ZBTB20: variants seen among roughly 807,000 people sequenced by gnomAD.
ZBTB20 encodes the protein zinc finger and BTB domain-containing protein 20.
ZBTB20 carries 9 observed loss-of-function variants against 56.9 expected under a neutral mutation model. The ratio of observed to expected loss-of-function variants is 0.16; its 90% CI spans 0.10 to 0.28. The LOEUF (loss-of-function observed/expected upper bound fraction) is 0.28, where lower values mean the gene tolerates loss of function less well. ZBTB20 is among the 10% of genes least tolerant of loss of function. The pLI is 1.00. For missense variants in ZBTB20, 655 were observed against 1,003.0 expected, an observed-to-expected ratio of 0.65 and a Z score of 4.69; for synonymous variants, 417 against 420.7, an observed-to-expected ratio of 0.99 and a Z score of 0.11.
At chr3:114,476,303 T>C (rs1030610728) in intron 7 of ZBTB20, among the ~76,000 whole-genome samples, 3 of 152,202 alleles carry the variant, frequency 2.0e-5, no homozygotes, top group Admixed American at 6.5e-5. Context: ...CTGACAACTG[T>C]TGAAGCAGAG....
intron 3 of ZBTB20, among the ~76,000 whole-genome samples, chr3:114,909,245 T>C (rs1295319942): frequency 6.6e-6 from 1 of 151,972 alleles, no homozygotes; most frequent in Non-Finnish European, 1.5e-5. Context: ...TGTGCATTTT[T>C]GTTAGTTTTT....
chr3:114,959,941 A>AT (rs1481265424), intron 3 of ZBTB20, among the ~76,000 whole-genome samples: 1 of 152,176 alleles, frequency 6.6e-6, no homozygotes, highest in East Asian at 1.9e-4. Flanking sequence ...TAAAATGGCC[A>AT]TTTTCACAAA....
In ZBTB20 at chr3:114,359,374, C is replaced by T. The variant is rs575707168; in HGVS notation, c.200-7496G>A. 5.3e-5 allele frequency: 8 copies of T among 152,238 alleles called. No individual in the cohort carries two copies. The South Asian group carries it at 1.5e-3, about 28-fold the overall frequency. 9.4% of individuals were successfully genotyped at this position (152,238 alleles called of 1,614,324 possible). On this transcript the variant is annotated intron_variant, in intron 10 of 11. Coordinates refer to ENST00000675478, the MANE Select transcript of ZBTB20 (RefSeq NM_001348800.3). ...TACAGTTTGTGAAAATTAAGTTTTA[C>T]TCTGTGAATAAAGAATTGGATAGAT...
intron 5 of ZBTB20, among the ~76,000 whole-genome samples, chr3:114,697,944 C>T (rs537098239): frequency 5.3e-5 from 8 of 152,202 alleles, no homozygotes; most frequent in African/African-American, 1.4e-4. Flanking sequence ...TATTCCAATC[C>T]TATTTCTAAT....
intron 6 of ZBTB20, among the ~76,000 whole-genome samples, chr3:114,517,054 T>C (rs1490114667): frequency 1.3e-5 from 2 of 152,222 alleles, no homozygotes; most frequent in Admixed American, 6.5e-5. Flanking sequence ...GTGCCTACTA[T>C]GTGCTAGGAA....
At chr3:114,624,500 G>T (rs888822496) in intron 6 of ZBTB20, among the ~76,000 whole-genome samples, 8 of 152,100 alleles carry the variant, frequency 5.3e-5, no homozygotes, top group African/African-American at 1.9e-4. Flanking sequence ...GAATCAAAAA[G>T]GAAAGGAGAA....
chr3:114,463,237 G>A (rs1446713568), intron 7 of ZBTB20, among the ~76,000 whole-genome samples: 1 of 152,208 alleles, frequency 6.6e-6, no homozygotes, highest in Non-Finnish European at 1.5e-5. Flanking sequence ...TTCGGTTGGT[G>A]TTACTGATGT....
chr3:114,673,985 A>C (rs2061497768), intron 6 of ZBTB20, among the ~76,000 whole-genome samples: 1 of 152,158 alleles, frequency 6.6e-6, no homozygotes, highest in South Asian at 2.1e-4. Flanking sequence ...TTCTAGATCT[A>C]AATTTAGGAA....
In ZBTB20 at chr3:114,329,592, G is replaced by T. The variant is rs1357150051; in HGVS notation, c.*9413C>A. ...GATCCTGAGGGCTGGATACCCAAGAGCCACCATTTTACGGATTCCTCAGAT... is the reference window on the plus strand; with the variant it reads ...GATCCTGAGGGCTGGATACCCAAGATCCACCATTTTACGGATTCCTCAGAT... On this transcript the variant is annotated 3_prime_UTR_variant, in exon 12 of 12. Coordinates refer to ENST00000675478, the MANE Select transcript of ZBTB20 (RefSeq NM_001348800.3). 6.6e-6 allele frequency: 1 copy of T among 151,158 alleles called. No individual in the cohort carries two copies. Among genetic ancestry groups the T allele is most frequent in the Non-Finnish European group, 1.5e-5 (1 of 67,886 alleles). The allele number at this position is 151,158 out of a possible 1,614,324, so 9.4% of individuals were successfully genotyped here. A position where few individuals can be genotyped will look rare whatever the true frequency, so the allele number is the denominator to read the frequency against.
chr3:114,465,301 T>C (rs2092497089), intron 7 of ZBTB20, among the ~76,000 whole-genome samples: 1 of 152,200 alleles, frequency 6.6e-6, no homozygotes, highest in Non-Finnish European at 1.5e-5. Flanking sequence ...TTTGAAATCA[T>C]TAGCTTGTAC....
chr3:114,945,209 A>C (rs260176), intron 3 of ZBTB20, among the ~76,000 whole-genome samples: 93,925 of 144,200 alleles, frequency 0.65, 34,235 homozygotes, highest in Non-Finnish European at 0.77. Flanking sequence ...AAAAGTCAAA[A>C]TAAGAATATT....
At chr3:114,445,354 A>T (rs1298032888) in intron 7 of ZBTB20, among the ~76,000 whole-genome samples, 1 of 152,182 alleles carries the variant, frequency 6.6e-6, no homozygotes, top group Non-Finnish European at 1.5e-5. Context: ...AATAGCTCCC[A>T]TAACTTTAAT....
chr3:114,957,249 G>A (rs762237663), intron 3 of ZBTB20, among the ~76,000 whole-genome samples: 25 of 152,100 alleles, frequency 1.6e-4, no homozygotes, highest in African/African-American at 5.8e-4. Flanking sequence ...TCAAACTGTA[G>A]GTCACACTGT....
chr3:114,832,008 C>T (rs1417354313), intron 4 of ZBTB20, among the ~76,000 whole-genome samples: 2 of 152,102 alleles, frequency 1.3e-5, no homozygotes, highest in Non-Finnish European at 2.9e-5. Flanking sequence ...ACATTTCAAT[C>T]AGCTTATCTG....
chr3:114,847,264 T>C (rs2074754909), intron 4 of ZBTB20, among the ~76,000 whole-genome samples: 1 of 145,320 alleles, frequency 6.9e-6, no homozygotes, highest in Non-Finnish European at 1.5e-5. Context: ...ATTTGGGACC[T>C]TACCTTTAGA....
At chr3:115,103,108 C>G (rs1174502123) in intron 1 of ZBTB20, 1 of 152,096 alleles carries the variant, frequency 6.6e-6, no homozygotes, top group African/African-American at 2.4e-5. Flanking sequence ...TATACTTTCC[C>G]TAGTTGGGAC....
intron 7 of ZBTB20, among the ~76,000 whole-genome samples, chr3:114,490,446 C>T (rs1307687688): frequency 6.6e-6 from 1 of 152,100 alleles, no homozygotes; most frequent in Non-Finnish European, 1.5e-5. Context: ...TGGTCTCGAA[C>T]TCTTGACCTC....
intron 7 of ZBTB20, among the ~76,000 whole-genome samples, chr3:114,431,047 T>C (rs1350207057): frequency 1.3e-5 from 2 of 151,934 alleles, no homozygotes; most frequent in Non-Finnish European, 2.9e-5. Flanking sequence ...CCCTCCTCCC[T>C]GTGCCCCTCC....
intron 5 of ZBTB20, among the ~76,000 whole-genome samples, chr3:114,709,661 T>A (rs1193155996): frequency 2.0e-5 from 3 of 152,154 alleles, no homozygotes; most frequent in Admixed American, 2.0e-4. Context: ...TAACCTATAA[T>A]CAGGACTTCC....
Sources: gnomAD v4.1 joint callset for allele counts (sites outside exome capture counted in the v4.1 genomes callset) on GRCh38, gnomAD v4.1.1 for gene constraint, MANE v1.5 for transcripts, NCBI Gene and HGNC (gene_info 2026-07-23, HGNC 2026-07-21) for gene names.